Variants in THADA observed in about 807,000 individuals in gnomAD.
THADA encodes the protein tRNA (32-2'-O)-methyltransferase regulator THADA.
Under a neutral mutation model 219.8 loss-of-function variants are expected in THADA, and 213 were observed. The observed-to-expected ratio is 0.97, with a 90% CI of 0.87 to 1.09. THADA has a LOEUF of 1.09. Ranked by LOEUF, THADA falls within the 50% of genes least tolerant of loss-of-function variation. The pLI, the probability that THADA is intolerant of heterozygous loss-of-function variation, is 0.00. For missense variants in THADA, 2,956 were observed against 2,311.3 expected (o/e 1.28, Z -5.72); for synonymous variants, 1,018 against 828.9 (o/e 1.23, Z -3.92).
At chr2:43,579,424 T>A (rs1334505270) in intron 8 of THADA, among the ~76,000 whole-genome samples, 2 of 152,236 alleles carry the variant, frequency 1.3e-5, no homozygotes, top group Admixed American at 1.3e-4. Context: ...CTTGGTATCT[T>A]CTTTTTGTTT....
intron 35 of THADA, among the ~76,000 whole-genome samples, chr2:43,284,567 TCTG>T (rs1673757338): frequency 6.6e-6 from 1 of 152,154 alleles, no homozygotes; most frequent in African/African-American, 2.4e-5. Flanking sequence ...CAGGCAGAAG[TCTG>T]CTGCAGGAGT....
At position 43,547,653 on chromosome 2, in the gene THADA, T is replaced by C. The variant is rs1458823982; in HGVS notation, c.3106+1557A>G. 3.3e-5 allele frequency among the ~76,000 whole-genome samples: 5 copies of C among 152,344 alleles called. No individual in the cohort carries two copies. In the South Asian group the frequency reaches 1.0e-3, roughly 32 times the overall value. On this transcript the variant is annotated intron_variant, in intron 20 of 37. Transcript: ENST00000405975. ...ACTGATACCCTTTCTTCCAGTGGATTGCATCGGCTCCTGAGGCTTCTGCAT... is the reference window on the plus strand; with the variant it reads ...ACTGATACCCTTTCTTCCAGTGGATCGCATCGGCTCCTGAGGCTTCTGCAT...
chr2:43,552,014 T>C, intron 18 of THADA, 89 bp from the exon 19 acceptor site: 1 of 1,561,468 alleles, frequency 6.4e-7, no homozygotes, highest in Non-Finnish European at 8.6e-7. Context: ...ACTTTGTGTT[T>C]CAAAATTGTT....
Position 43,428,231 on chromosome 2 carries a change from A to G in THADA, c.3927T>C (p.Ser1309=). ...GATGACGATTTGGTTCTCCCATATC[A>G]CTGAAACAACAATTATTACACATGA... ...QLETVANTVD[S]DMGEPNRHPS... Residue 1309 remains serine, a splice_region_variant and synonymous_variant, in exon 28 of 38, where the codon AGT becomes AGC. Coordinates refer to ENST00000405975, the MANE Select transcript of THADA (RefSeq NM_022065.5). 1 of 1,592,564 alleles carries G rather than the reference A, an allele frequency of 6.3e-7. No homozygotes were observed.
In THADA at chr2:43,293,207, T is replaced by C; in HGVS notation, c.4445A>G (p.Glu1482Gly). 6.2e-7 allele frequency: 1 copy of C among 1,602,104 alleles called. No homozygotes were observed. Among genetic ancestry groups the C allele is most frequent in the East Asian group, 2.2e-5 (1 of 44,624 alleles). The change falls in exon 32 of 38, where the codon GAG (glutamate) becomes GGG (glycine). Residue 1482 changes from glutamate to glycine, a missense_variant. By Grantham distance (98) the Glu-to-Gly change is moderately conservative (BLOSUM62 -2). Transcript: ENST00000405975. ...GACTTCCTCCCAGAAGCCAAGACTC[T>C]CCAGAACTAAGAAGCAAAAAAAGCA... is the stretch of plus-strand genomic sequence containing the variant. ...RSAKDNQPVL[E>G]SLGFWEEVRG...
At position 43,498,912 on chromosome 2, in the gene THADA, C is replaced by A. The variant is rs199598541; in HGVS notation, c.3665G>T (p.Arg1222Leu). The A allele has an allele frequency of 3.1e-6, 5 of 1,596,572 alleles. No homozygotes were observed. In the African/African-American group the frequency reaches 4.0e-5, roughly 13 times the overall value. ...ATAAGGAATAATATTTTCTCCCAGG[C>A]GCGTATCTCTGAACAATGCTCTAAG... ...NILRALFRDTRLGENIIPYVA... is the reference protein window; with the variant it reads ...NILRALFRDTLLGENIIPYVA... The change falls in exon 25 of 38, where the codon CGC (arginine) becomes CTC (leucine). Residue 1222 changes from arginine (R) to leucine (L), a missense_variant. By Grantham distance (102) the Arg-to-Leu change is moderately radical (BLOSUM62 -2). Coordinates refer to ENST00000405975, the MANE Select transcript of THADA (RefSeq NM_022065.5).
chr2:43,471,196 T>C (rs962102785), intron 26 of THADA, among the ~76,000 whole-genome samples: 7 of 152,122 alleles, frequency 4.6e-5, no homozygotes, highest in African/African-American at 9.7e-5. Context: ...AATAAAAATA[T>C]TGACAATTAT....
At chr2:43,323,187 G>A (rs2104470919) in intron 30 of THADA, among the ~76,000 whole-genome samples, 1 of 151,980 alleles carries the variant, frequency 6.6e-6, no homozygotes, top group East Asian at 1.9e-4. Flanking sequence ...TGTTGCTCAG[G>A]CTGAAGTGCA....
intron 30 of THADA, among the ~76,000 whole-genome samples, chr2:43,323,141 T>C (rs540569253): frequency 8.9e-4 from 136 of 152,192 alleles, no homozygotes; most frequent in South Asian, 3.5e-3. Flanking sequence ...TTTCTTTCTT[T>C]TTTGTTTTGT....
intron 36 of THADA, among the ~76,000 whole-genome samples, chr2:43,271,612 CT>C (rs11365531): frequency 0.21 from 24,365 of 118,572 alleles, 1,936 homozygotes; most frequent in African/African-American, 0.31. Flanking sequence ...ACTCTTGGAA[CT>C]TTTTTTTTTT....
chr2:43,262,100 A>G (rs1194798493), intron 36 of THADA, among the ~76,000 whole-genome samples: 1 of 152,218 alleles, frequency 6.6e-6, no homozygotes, highest in Non-Finnish European at 1.5e-5. Context: ...TCTTTATCAA[A>G]GTGACATAGA....
At chr2:43,390,715 G>T (rs530309985) in intron 29 of THADA, among the ~76,000 whole-genome samples, 1 of 152,218 alleles carries the variant, frequency 6.6e-6, no homozygotes, top group Admixed American at 6.5e-5. Context: ...CCTGCTGCTG[G>T]AATATAAGTA....
At chr2:43,455,345 A>G (rs1241208514) in intron 26 of THADA, among the ~76,000 whole-genome samples, 1 of 152,042 alleles carries the variant, frequency 6.6e-6, no homozygotes, top group Non-Finnish European at 1.5e-5. Flanking sequence ...CCTATATTAC[A>G]GTATACCTGC....
intron 29 of THADA, among the ~76,000 whole-genome samples, chr2:43,377,700 T>C (rs1270664882): frequency 1.3e-5 from 2 of 152,198 alleles, no homozygotes; most frequent in Non-Finnish European, 2.9e-5. Context: ...GCTTATGCAG[T>C]ATAGGAACAA....
At chr2:43,248,164 TAGAGAG>T (rs70963389) in intron 36 of THADA, among the ~76,000 whole-genome samples, 679 of 40,148 alleles carry the variant, frequency 0.017, 1 homozygote, top group Non-Finnish European at 0.021. Flanking sequence ...TATATATATA[TAGAGAG>T]AGAGAGAGAG....
chr2:43,517,018 G>C (rs560771919), intron 22 of THADA, among the ~76,000 whole-genome samples: 16 of 152,172 alleles, frequency 1.1e-4, no homozygotes, highest in African/African-American at 3.6e-4. Flanking sequence ...TTTTCAGATT[G>C]ATTTCATTCC....
Position 43,478,485 on chromosome 2 carries a change from C to G in THADA, c.3836+6749G>C, listed in dbSNP as rs566657043. Among the ~76,000 whole-genome samples the G allele has an allele frequency of 2.0e-4, 30 of 152,264 alleles. No individual in the cohort carries two copies. In the South Asian group the frequency reaches 6.2e-3, roughly 32 times the overall value. ...TTATCTCATACTCCTGGAAGCAATC[C>G]TGACGTCTTAAATTATGTAATCCTG... On this transcript the variant is annotated intron_variant, in intron 26 of 37. Coordinates refer to ENST00000405975, the MANE Select transcript of THADA (RefSeq NM_022065.5).
intron 29 of THADA, among the ~76,000 whole-genome samples, chr2:43,383,291 T>A (rs922004705): frequency 6.6e-6 from 1 of 152,228 alleles, no homozygotes; most frequent in South Asian, 2.1e-4. Context: ...ATAGGTGTTT[T>A]GGAGACAGTG....
chr2:43,541,076 T>C, intron 21 of THADA, 83 bp downstream of exon 21: 3 of 1,355,130 alleles, frequency 2.2e-6, no homozygotes, highest in South Asian at 1.8e-5. Context: ...TTTTAAACCT[T>C]TTTTTAGAGT....
Sources: gnomAD v4.1 joint callset for allele counts (sites outside exome capture counted in the v4.1 genomes callset) on GRCh38, gnomAD v4.1.1 for gene constraint, MANE v1.5 for transcripts, NCBI Gene and HGNC (gene_info 2026-07-23, HGNC 2026-07-21) for gene names.